Variants in CNTNAP2 observed in about 807,000 individuals in gnomAD.
The protein encoded by CNTNAP2 is contactin-associated protein-like 2.
A neutral mutation model predicts 155.2 loss-of-function variants in CNTNAP2; 98 were observed. The observed-to-expected ratio is 0.63, with a 90% CI of 0.54 to 0.75. The LOEUF (loss-of-function observed/expected upper bound fraction) is 0.75. CNTNAP2 is among the 30% of genes least tolerant of loss of function. The pLI, the probability that CNTNAP2 is intolerant of heterozygous loss-of-function variation, is 0.00. For synonymous variants in CNTNAP2, 651 were observed against 631.2 expected, an observed-to-expected ratio of 1.03 and a Z score of -0.47; for missense variants, 1,727 against 1,688.1, an observed-to-expected ratio of 1.02 and a Z score of -0.40.
intron 14 of CNTNAP2, among the ~76,000 whole-genome samples, chr7:147,942,318 TA>T (rs1362769556): frequency 6.6e-6 from 1 of 151,922 alleles, no homozygotes; most frequent in Non-Finnish European, 1.5e-5. Flanking sequence ...ATTGGTAACT[TA>T]AAAAACATTG....
At chr7:147,341,243 A>G (rs1795757111) in intron 9 of CNTNAP2, among the ~76,000 whole-genome samples, 2 of 152,052 alleles carry the variant, frequency 1.3e-5, no homozygotes, top group Non-Finnish European at 2.9e-5. Context: ...AACAATGAGA[A>G]CACATGGACA....
chr7:147,604,072 C>T (rs1055757786), intron 12 of CNTNAP2, among the ~76,000 whole-genome samples: 2 of 152,088 alleles, frequency 1.3e-5, no homozygotes, highest in Non-Finnish European at 2.9e-5. Context: ...AAAATTAATT[C>T]AAGATGGATT....
intron 13 of CNTNAP2, among the ~76,000 whole-genome samples, chr7:147,821,724 G>A (rs189038025): frequency 6.6e-6 from 1 of 152,172 alleles, no homozygotes; most frequent in East Asian, 1.9e-4. Flanking sequence ...CAGGAAAGAA[G>A]GCAAGGTGGA....
chr7:146,815,667 T>C (rs931279691), intron 2 of CNTNAP2, among the ~76,000 whole-genome samples: 2 of 152,196 alleles, frequency 1.3e-5, no homozygotes, highest in African/African-American at 4.8e-5. Context: ...TTTCATAGAT[T>C]TATTAAATAA....
chr7:147,951,659 G>A (rs925890302), intron 14 of CNTNAP2, among the ~76,000 whole-genome samples: 2 of 151,508 alleles, frequency 1.3e-5, no homozygotes, highest in African/African-American at 4.9e-5. Context: ...TGGGTGGGGG[G>A]AAGAGCAATT....
At chr7:146,407,957 G>A (rs1461432748) in intron 1 of CNTNAP2, among the ~76,000 whole-genome samples, 1 of 151,658 alleles carries the variant, frequency 6.6e-6, no homozygotes, top group Non-Finnish European at 1.5e-5. Flanking sequence ...TTATGTTATT[G>A]TAATAATGCA....
intron 1 of CNTNAP2, among the ~76,000 whole-genome samples, chr7:146,447,113 G>A (rs1190000141): frequency 6.6e-6 from 1 of 151,994 alleles, no homozygotes; most frequent in Non-Finnish European, 1.5e-5. Context: ...TGCTATTCAA[G>A]TTACATTTCA....
In CNTNAP2 at chr7:147,535,742, G is replaced by T. The variant is rs1344932135; in HGVS notation, c.1778-26396G>T. On this transcript the variant is annotated intron_variant, in intron 11 of 23. Coordinates refer to ENST00000361727, the MANE Select transcript of CNTNAP2 (RefSeq NM_014141.6). ...CTTCCATCTGTGAGTGGAAGATGGG[G>T]AGGAGGCGAGGACCGCGAAGGTCAC... Among the ~76,000 whole-genome samples, 4 of 152,162 alleles carry T rather than the reference G, an allele frequency of 2.6e-5. No individual in the cohort carries two copies. The East Asian group carries it at 7.7e-4, about 29-fold the overall frequency.
intron 1 of CNTNAP2, among the ~76,000 whole-genome samples, chr7:146,483,330 C>CATAT (rs760173787): frequency 5.0e-5 from 2 of 40,298 alleles, no homozygotes; most frequent in African/African-American, 1.2e-4. Flanking sequence ...TATATATATA[C>CATAT]ATATATATAT....
chr7:146,167,844 G>A (rs117204556), intron 1 of CNTNAP2, among the ~76,000 whole-genome samples: 2,520 of 152,264 alleles, frequency 0.017, 25 homozygotes, highest in Middle Eastern at 0.037. Context: ...TAAGCTGAGA[G>A]GCAAGGAAGC....
intron 3 of CNTNAP2, among the ~76,000 whole-genome samples, chr7:146,875,955 A>AC (rs1422786223): frequency 1.1e-4 from 15 of 139,070 alleles, no homozygotes; most frequent in South Asian, 4.4e-4. Flanking sequence ...AAAAAAAAAA[A>AC]AAAAAACAAA....
chr7:147,177,532 G>A (rs962308420), intron 8 of CNTNAP2, among the ~76,000 whole-genome samples: 2 of 152,110 alleles, frequency 1.3e-5, no homozygotes, highest in African/African-American at 2.4e-5. Context: ...TTGCTTCATA[G>A]CAGCATGAGA....
At chr7:147,647,718 A>C (rs1795390612) in intron 13 of CNTNAP2, among the ~76,000 whole-genome samples, 1 of 152,214 alleles carries the variant, frequency 6.6e-6, no homozygotes, top group Non-Finnish European at 1.5e-5. Flanking sequence ...AATTAGAAAA[A>C]CACTAATTTT....
chr7:146,197,189 G>A (rs1043292536), intron 1 of CNTNAP2, among the ~76,000 whole-genome samples: 2 of 152,084 alleles, frequency 1.3e-5, no homozygotes, highest in Non-Finnish European at 2.9e-5. Flanking sequence ...CAAGAATGAT[G>A]TAAAAACCAG....
chr7:146,808,009 G>A (rs1802998163), intron 2 of CNTNAP2, among the ~76,000 whole-genome samples: 1 of 152,144 alleles, frequency 6.6e-6, no homozygotes, highest in Non-Finnish European at 1.5e-5. Context: ...GAAATGATAA[G>A]AGATGTCTTC....
chr7:146,411,157 A>ATTT (rs35201362), intron 1 of CNTNAP2, among the ~76,000 whole-genome samples: 51 of 139,304 alleles, frequency 3.7e-4, no homozygotes, highest in South Asian at 9.1e-4. Flanking sequence ...AATAGAGTAG[A>ATTT]TTTTTTTTTT....
At chr7:147,084,808 G>A (rs890947434) in intron 4 of CNTNAP2, among the ~76,000 whole-genome samples, 3 of 146,962 alleles carry the variant, frequency 2.0e-5, no homozygotes, top group Non-Finnish European at 3.0e-5. Context: ...ATAATTTTAT[G>A]TATTTTATTA....
chr7:146,585,801 G>A (rs2129148605), intron 1 of CNTNAP2, among the ~76,000 whole-genome samples: 1 of 151,116 alleles, frequency 6.6e-6, no homozygotes, highest in Non-Finnish European at 1.5e-5. Context: ...GGGAAGGAAG[G>A]AAGGAGGGAG....
At chr7:147,816,465 T>C (rs1041266502) in intron 13 of CNTNAP2, among the ~76,000 whole-genome samples, 1 of 152,184 alleles carries the variant, frequency 6.6e-6, no homozygotes, top group Non-Finnish European at 1.5e-5. Flanking sequence ...ATTAATCTTA[T>C]GGAAATGTAG....
Sources: gnomAD v4.1 joint callset for allele counts (sites outside exome capture counted in the v4.1 genomes callset) on GRCh38, gnomAD v4.1.1 for gene constraint, MANE v1.5 for transcripts, NCBI Gene and HGNC (gene_info 2026-07-23, HGNC 2026-07-21) for gene names.